Variants in ARHGAP17 observed in about 807,000 individuals in gnomAD.
The protein encoded by ARHGAP17 is rho GTPase-activating protein 17.
Under a neutral mutation model 99.5 loss-of-function variants are expected in ARHGAP17, and 57 were observed. The ratio of observed to expected loss-of-function variants is 0.57; its 90% confidence interval spans 0.46 to 0.71. ARHGAP17 has a LOEUF of 0.71. ARHGAP17 is among the 30% of genes least tolerant of loss of function. ARHGAP17 has a pLI of 0.00. For missense variants in ARHGAP17, 1,000 were observed against 1,122.4 expected (o/e 0.89, Z 1.56); for synonymous variants, 417 against 429.6 (o/e 0.97, Z 0.36).
At chr16:24,932,413 G>A (rs2051019295) in intron 18 of ARHGAP17, among the ~76,000 whole-genome samples, 1 of 152,116 alleles carries the variant, frequency 6.6e-6, no homozygotes, top group Non-Finnish European at 1.5e-5. Context: ...CGGAAGTGCT[G>A]CCCTCAGCCC....
rs1171754361 is a variant in ARHGAP17 at position 24,961,518 on chromosome 16, A to ATTTT, written c.574-1543_574-1540dup. Among the ~76,000 whole-genome samples the ATTTT allele has an allele frequency of 1.1e-3, 87 of 81,498 alleles. 2 individuals are homozygous for ATTTT. The highest frequency in any genetic ancestry group is 1.3e-3 in the Non-Finnish European group (56 of 43,266). The allele number at this position is 81,498 out of a possible 152,430, so 53.5% of individuals were successfully genotyped here. ...AGTCTCTAAGTAAAAAAAAAAAAAA[A>ATTTT]TTTTTTTTTTTTTTTTTTTTTTTTT... On this transcript the variant is annotated intron_variant, in intron 7 of 19. Coordinates refer to ENST00000289968, the MANE Select transcript of ARHGAP17 (RefSeq NM_001006634.3).
At chr16:24,960,192 T>C (rs1240781703) in intron 7 of ARHGAP17, among the ~76,000 whole-genome samples, 1 of 152,142 alleles carries the variant, frequency 6.6e-6, no homozygotes, top group African/African-American at 2.4e-5. Flanking sequence ...TTTTAACACA[T>C]CTGTTTAAGA....
At chr16:24,995,685 G>A (rs925894918) in intron 1 of ARHGAP17, among the ~76,000 whole-genome samples, 1 of 152,308 alleles carries the variant, frequency 6.6e-6, no homozygotes, top group Admixed American at 6.5e-5. Flanking sequence ...TAGGCCATCA[G>A]GTGTGCGAAC....
chr16:24,988,140 C>G (rs1315732049), intron 1 of ARHGAP17, among the ~76,000 whole-genome samples: 1 of 152,100 alleles, frequency 6.6e-6, no homozygotes, highest in Admixed American at 6.5e-5. Flanking sequence ...TGGAGGACTA[C>G]TGAATGAGTT....
In ARHGAP17 at chr16:25,013,192, G is replaced by A. The variant is rs1159251135; in HGVS notation, c.53+2017C>T. ...AGAGGCAGAGGGACCTTTCCCAGAA[G>A]GCTGAAGAATGAGCAAGAGGTGCCT... On this transcript the variant is annotated intron_variant, in intron 1 of 19. Coordinates refer to ENST00000289968, the MANE Select transcript of ARHGAP17 (RefSeq NM_001006634.3). Among the ~76,000 whole-genome samples the A allele has an allele frequency of 2.6e-4, 40 of 152,240 alleles. 1 individual carries two copies. The highest frequency in any genetic ancestry group is 2.6e-3 in the Admixed American group (40 of 15,282).
intron 18 of ARHGAP17, among the ~76,000 whole-genome samples, chr16:24,933,783 A>G (rs1249315795): frequency 6.6e-6 from 1 of 151,984 alleles, no homozygotes; most frequent in Non-Finnish European, 1.5e-5. Context: ...GCCTTGTCTG[A>G]GACCACCTCA....
chr16:25,006,306 C>T (rs937503177), intron 1 of ARHGAP17, among the ~76,000 whole-genome samples: 9 of 151,552 alleles, frequency 5.9e-5, no homozygotes, highest in South Asian at 2.1e-4. Flanking sequence ...AAAAATTAGC[C>T]GGACATGGTG....
At chr16:25,011,868 A>T (rs1279371098) in intron 1 of ARHGAP17, among the ~76,000 whole-genome samples, 1 of 152,196 alleles carries the variant, frequency 6.6e-6, no homozygotes, top group Non-Finnish European at 1.5e-5. Context: ...ATTTGAAATA[A>T]GGGCTTGAAA....
chr16:24,925,730 A>G (rs1226279754), intron 19 of ARHGAP17, among the ~76,000 whole-genome samples: 1 of 152,228 alleles, frequency 6.6e-6, no homozygotes, highest in Non-Finnish European at 1.5e-5. Flanking sequence ...GAGAACGAGC[A>G]TATGATGTAA....
At chr16:24,983,461 C>T (rs963490089) in intron 1 of ARHGAP17, among the ~76,000 whole-genome samples, 5 of 151,724 alleles carry the variant, frequency 3.3e-5, no homozygotes, top group Admixed American at 2.0e-4. Context: ...ACCATCATGC[C>T]CAGGTAATTT....
chr16:24,970,613 A>G, intron 3 of ARHGAP17, 33 bp from the exon 4 acceptor site: 1 of 1,552,830 alleles, frequency 6.4e-7, no homozygotes, highest in African/African-American at 1.4e-5. Flanking sequence ...TGTTTTTCTC[A>G]TTATTTGATA....
intron 7 of ARHGAP17, 89 bp from the exon 8 acceptor site, chr16:24,960,068 A>G (rs1323252160): frequency 7.9e-7 from 1 of 1,261,574 alleles, no homozygotes; most frequent in African/African-American, 1.5e-5. Flanking sequence ...CTCTTAGATG[A>G]AAAAGTGATG....
chr16:24,973,543 G>C (rs1415332738), intron 3 of ARHGAP17, among the ~76,000 whole-genome samples: 1 of 152,180 alleles, frequency 6.6e-6, no homozygotes. Flanking sequence ...AGAAATGAGG[G>C]CCAAGCACTT....
intron 6 of ARHGAP17, among the ~76,000 whole-genome samples, chr16:24,966,204 T>C (rs2052174640): frequency 1.3e-5 from 2 of 152,166 alleles, no homozygotes; most frequent in Admixed American, 1.3e-4. Flanking sequence ...AGGATTCCAA[T>C]CACACGTACA....
At chr16:24,999,520 A>G (rs997401584) in intron 1 of ARHGAP17, among the ~76,000 whole-genome samples, 1 of 151,922 alleles carries the variant, frequency 6.6e-6, no homozygotes, top group African/African-American at 2.4e-5. Flanking sequence ...GGCTCTAAGG[A>G]TTCTTCTATC....
At chr16:24,944,269 CA>C (rs68043853) in intron 14 of ARHGAP17, among the ~76,000 whole-genome samples, 12,423 of 89,474 alleles carry the variant, frequency 0.14, 1,427 homozygotes, top group African/African-American at 0.34. Context: ...AACTCTGTCT[CA>C]AAAAAAAAAA....
intron 1 of ARHGAP17, among the ~76,000 whole-genome samples, chr16:24,991,747 G>A (rs533091327): frequency 1.4e-4 from 22 of 152,260 alleles, no homozygotes; most frequent in Middle Eastern, 3.4e-3. Context: ...TCACAGAGAA[G>A]CAAAAGCAAG....
At chr16:24,994,750 G>A (rs139595697) in intron 1 of ARHGAP17, among the ~76,000 whole-genome samples, 40 of 152,272 alleles carry the variant, frequency 2.6e-4, no homozygotes, top group Admixed American at 1.6e-3. Flanking sequence ...TTCCCACCTA[G>A]GCTCTGAATC....
Position 24,968,189 on chromosome 16 carries a change from G to A in ARHGAP17, c.461+162C>T, listed in dbSNP as rs8050089. On this transcript the variant is annotated intron_variant, in intron 6 of 19. Coordinates refer to ENST00000289968, the MANE Select transcript of ARHGAP17 (RefSeq NM_001006634.3). Reference sequence around the variant, plus strand: ...GTTCTAACAACATCCCCACTGCCACGCTTGGGAGAACAAGGCCTATAGGAG... The same window carrying A: ...GTTCTAACAACATCCCCACTGCCACACTTGGGAGAACAAGGCCTATAGGAG... 0.31 allele frequency among the ~76,000 whole-genome samples: 47,689 copies of A among 152,074 alleles called. 7,730 individuals are homozygous for A. The highest frequency in any genetic ancestry group is 0.5 in the East Asian group (2,603 of 5,176).
Sources: allele counts gnomAD v4.1 joint callset (sites outside exome capture counted in the v4.1 genomes callset), GRCh38; gene constraint gnomAD v4.1.1; transcripts MANE v1.5; gene names NCBI Gene and HGNC (gene_info 2026-07-23, HGNC 2026-07-21).